Variants in HNRNPM observed in about 807,000 individuals in gnomAD.
The protein encoded by HNRNPM is heterogeneous nuclear ribonucleoprotein M.
HNRNPM carries 11 observed loss-of-function variants against 73.1 expected under a neutral mutation model. The observed-to-expected ratio is 0.15, with a 90% CI of 0.09 to 0.25. The LOEUF is 0.25. Ranked by LOEUF, HNRNPM falls within the 10% of genes least tolerant of loss-of-function variation. HNRNPM has a pLI of 1.00. For synonymous variants in HNRNPM, 407 were observed against 355.2 expected, an observed-to-expected ratio of 1.15 and a Z score of -1.64; for missense variants, 789 against 1,067.9, an observed-to-expected ratio of 0.74 and a Z score of 3.64.
chr19:8,470,635 G>A (rs915108224), intron 9 of HNRNPM, among the ~76,000 whole-genome samples: 5 of 152,018 alleles, frequency 3.3e-5, no homozygotes, highest in Non-Finnish European at 5.9e-5. Flanking sequence ...CCCTTGTTAC[G>A]ATTTTTAAAA....
chr19:8,483,052 C>A, intron 12 of HNRNPM, 106 bp from the exon 13 acceptor site: 1 of 716,380 alleles, frequency 1.4e-6, no homozygotes, highest in South Asian at 1.7e-5. Context: ...TTCCCTTTAT[C>A]TTGTCATTTT....
chr19:8,459,118 G>A (rs112253313), intron 2 of HNRNPM, among the ~76,000 whole-genome samples: 1,572 of 152,248 alleles, frequency 0.01, 35 homozygotes, highest in African/African-American at 0.035. Context: ...TAAGAGATGG[G>A]CTTTCACCAT....
chr19:8,477,686 A>C (rs1369786112), intron 12 of HNRNPM, among the ~76,000 whole-genome samples: 1 of 124,400 alleles, frequency 8.0e-6, no homozygotes, highest in African/African-American at 3.0e-5. Flanking sequence ...AAAAAAAAAA[A>C]AAAAAAAGAA....
At chr19:8,459,153 C>G (rs1340507620) in intron 2 of HNRNPM, among the ~76,000 whole-genome samples, 1 of 152,226 alleles carries the variant, frequency 6.6e-6, no homozygotes, top group Non-Finnish European at 1.5e-5. Context: ...TCTTGAACTC[C>G]TGACCTCAGG....
intron 1 of HNRNPM, chr19:8,445,686 C>G (rs1265748579): frequency 2.6e-5 from 4 of 152,382 alleles, no homozygotes; most frequent in East Asian, 3.8e-4. Context: ...GACCGCGCTC[C>G]GCGGGAAGTG....
chr19:8,483,361 C>T (rs1371560894), intron 13 of HNRNPM, 150 bp downstream of exon 13: 1 of 677,120 alleles, frequency 1.5e-6, no homozygotes, highest in South Asian at 1.7e-5. Flanking sequence ...TGACGTTTGG[C>T]AAGTCACTGA....
At chr19:8,461,901 A>G (rs1969425109) in intron 2 of HNRNPM, 1 of 152,624 alleles carries the variant, frequency 6.6e-6, no homozygotes, top group African/African-American at 2.4e-5. Flanking sequence ...TGTGGGGCCC[A>G]ACACAAAACG....
rs1968652854 is a variant in HNRNPM, at chr19:8,451,822, ATGGCCAG to A, written c.114-3581_114-3575del. Among the ~76,000 whole-genome samples the A allele has an allele frequency of 2.6e-5, 4 of 152,040 alleles. No homozygotes were observed. In the South Asian group the frequency reaches 8.3e-4, roughly 32 times the overall value. ...GCTGGGACTGCAGGCATGAGCCACC[ATGGCCAG>A]TCTGCTTGAATATGTGTCTCGAATG... On this transcript the variant is annotated intron_variant, in intron 1 of 15. Coordinates refer to ENST00000325495, the MANE Select transcript of HNRNPM (RefSeq NM_005968.5).
chr19:8,483,071 G>T, intron 12 of HNRNPM, 87 bp from the exon 13 acceptor site: 1 of 801,512 alleles, frequency 1.2e-6, no homozygotes, highest in East Asian at 2.5e-5. Flanking sequence ...TTTATTAGTA[G>T]TATTTCTACT....
intron 14 of HNRNPM, 109 bp from the exon 15 acceptor site, chr19:8,486,915 G>T (rs1760196005): frequency 1.2e-6 from 1 of 862,390 alleles, no homozygotes; most frequent in Non-Finnish European, 2.0e-6. Flanking sequence ...AGGGCAGCCA[G>T]CTTCTCGGTA....
In HNRNPM at chr19:8,450,396, C is replaced by T. The variant is rs376813696; in HGVS notation, c.114-5009C>T. On this transcript the variant is annotated intron_variant, in intron 1 of 15. Transcript: ENST00000325495. The stretch of plus-strand genomic sequence containing the variant: ...GTGGTGGTCTTTTGCAGATTAGGCA[C>T]TCAATCTTTTTATTAGGGTTTTTTT... Among the ~76,000 whole-genome samples the T allele has an allele frequency of 1.2e-4, 18 of 152,244 alleles. 1 individual carries two copies. Among genetic ancestry groups the T allele is most frequent in the African/African-American group, 4.3e-4 (18 of 41,558 alleles).
intron 1 of HNRNPM, among the ~76,000 whole-genome samples, chr19:8,453,001 CAG>C (rs1165150689): frequency 6.6e-6 from 1 of 151,940 alleles, no homozygotes; most frequent in Non-Finnish European, 1.5e-5. Flanking sequence ...ACACCACACT[CAG>C]ATAATTATTA....
In HNRNPM at chr19:8,463,435, A is replaced by AT; in HGVS notation, c.337-55dup. 8 of 1,543,908 alleles carry AT rather than the reference A, an allele frequency of 5.2e-6. 1 individual carries two copies. The highest frequency in any genetic ancestry group is 1.4e-5 in the African/African-American group (1 of 73,202). On this transcript the variant is annotated intron_variant, in intron 3 of 15. Coordinates refer to ENST00000325495, the MANE Select transcript of HNRNPM (RefSeq NM_005968.5). ...TTTATAACTGTCATTGATATTTACT[A>AT]TTTTTTTCTTTTCTTTTTCCCCTTC...
intron 1 of HNRNPM, among the ~76,000 whole-genome samples, chr19:8,448,004 C>T (rs1968330990): frequency 6.6e-6 from 1 of 152,084 alleles, no homozygotes; most frequent in Non-Finnish European, 1.5e-5. Flanking sequence ...CCAGCCTGGG[C>T]GACAGAGCGA....
In HNRNPM at chr19:8,487,021, C is replaced by T; in HGVS notation, c.1978-3C>T. 6.2e-7 allele frequency: 1 copy of T among 1,612,852 alleles called. No individual in the cohort carries two copies. The highest frequency in any genetic ancestry group is 8.5e-7 in the Non-Finnish European group (1 of 1,178,770). On this transcript the variant is annotated splice_region_variant and splice_polypyrimidine_tract_variant and intron_variant, in intron 14 of 15. Transcript: ENST00000325495. ...TCAGTCTCCCTTTTCTTCTCCCCTT[C>T]AGCTGCCATTCGATTTCACATGGAA...
rs1023036052 is a variant in HNRNPM at position 8,483,845 on chromosome 19, G to A, written c.1174+634G>A. ...CCGTGGTGCAGTCTCTGCTCACTGCGGCCTCAACTTCCCAGGCCTAAGCGA... is the reference window on the plus strand; with the variant it reads ...CCGTGGTGCAGTCTCTGCTCACTGCAGCCTCAACTTCCCAGGCCTAAGCGA... On this transcript the variant is annotated intron_variant, in intron 13 of 15. Transcript: ENST00000325495. Among the ~76,000 whole-genome samples the A allele has an allele frequency of 4.6e-5, 7 of 152,214 alleles. No homozygotes were observed. In the South Asian group the frequency reaches 8.3e-4, roughly 18 times the overall value.
intron 2 of HNRNPM, among the ~76,000 whole-genome samples, chr19:8,458,556 C>T (rs550646006): frequency 5.1e-4 from 77 of 152,326 alleles, no homozygotes; most frequent in African/African-American, 1.8e-3. Context: ...GGCAGTGCCA[C>T]CAGAGCAGGA....
At position 8,445,243 on chromosome 19, in the gene HNRNPM, C is replaced by T. The variant is rs975263835; in HGVS notation, c.113+132C>T. On this transcript the variant is annotated intron_variant, in intron 1 of 15. Coordinates refer to ENST00000325495, the MANE Select transcript of HNRNPM (RefSeq NM_005968.5). Reference sequence around the variant, plus strand: ...GCCCCGGCTGTTCCCGTACCGCCTGCTCAGGGTAGCGGCGTCTAGGGCCGT... The same window carrying T: ...GCCCCGGCTGTTCCCGTACCGCCTGTTCAGGGTAGCGGCGTCTAGGGCCGT... 8.7e-6 allele frequency: 7 copies of T among 805,300 alleles called. No homozygotes were observed. In the East Asian group the frequency reaches 1.0e-4, roughly 12 times the overall value. The allele number at this position is 805,300 out of a possible 1,614,324, so 49.9% of individuals were successfully genotyped here. A position where few individuals can be genotyped will look rare whatever the true frequency, so the allele number is the denominator to read the frequency against.
intron 15 of HNRNPM, chr19:8,488,274 G>A (rs1971457365): frequency 6.4e-6 from 1 of 156,002 alleles, no homozygotes; most frequent in South Asian, 1.8e-4. Context: ...GATGCTTAAC[G>A]GGTGCTCAAA....
Sources: allele counts gnomAD v4.1 joint callset (sites outside exome capture counted in the v4.1 genomes callset), GRCh38; gene constraint gnomAD v4.1.1; transcripts MANE v1.5; gene names NCBI Gene and HGNC (gene_info 2026-07-23, HGNC 2026-07-21).